The following SLC35F1 variants were observed in gnomAD, a reference collection of about 807,000 sequenced individuals.
SLC35F1 encodes solute carrier family 35 member F1.
A neutral mutation model predicts 48.7 loss-of-function variants in SLC35F1; 14 were observed. The observed-to-expected ratio is 0.29, with a 90% CI of 0.19 to 0.45. The LOEUF is 0.45. SLC35F1 is among the 20% of genes least tolerant of loss of function. The probability of loss-of-function intolerance (pLI) is 1.00; values close to 1 mark genes in which losing one functional copy is unlikely to be tolerated. For missense variants in SLC35F1, 404 were observed against 500.0 expected (o/e 0.81, Z 1.83); for synonymous variants, 190 against 202.2 (o/e 0.94, Z 0.51).
chr6:118,062,886 T>G (rs1251272831), intron 1 of SLC35F1, among the ~76,000 whole-genome samples: 1 of 152,180 alleles, frequency 6.6e-6, no homozygotes, highest in Non-Finnish European at 1.5e-5. Flanking sequence ...CCTTAATTTT[T>G]TTAAAAAAGA....
intron 1 of SLC35F1, among the ~76,000 whole-genome samples, chr6:117,974,133 A>G (rs1776677674): frequency 6.6e-6 from 1 of 152,194 alleles, no homozygotes; most frequent in Non-Finnish European, 1.5e-5. Flanking sequence ...TTCCTCATCC[A>G]TGAAATAGGA....
intron 1 of SLC35F1, among the ~76,000 whole-genome samples, chr6:118,154,239 A>C (rs189480771): frequency 5.5e-4 from 84 of 152,242 alleles, no homozygotes; most frequent in African/African-American, 2.0e-3. Context: ...AAACTCCTTA[A>C]CCACTCTAAG....
At chr6:118,213,234 T>C (rs1216506737) in intron 2 of SLC35F1, among the ~76,000 whole-genome samples, 1 of 152,210 alleles carries the variant, frequency 6.6e-6, no homozygotes, top group African/African-American at 2.4e-5. Flanking sequence ...CATATTATAA[T>C]TATTAGCCCT....
At chr6:118,038,011 A>G (rs1384721806) in intron 1 of SLC35F1, among the ~76,000 whole-genome samples, 2 of 152,174 alleles carry the variant, frequency 1.3e-5, no homozygotes, top group East Asian at 1.9e-4. Flanking sequence ...CATTCTGCAC[A>G]TGTATCCCAG....
intron 2 of SLC35F1, among the ~76,000 whole-genome samples, chr6:118,227,486 T>A (rs765381657): frequency 1.3e-5 from 2 of 152,232 alleles, no homozygotes; most frequent in Non-Finnish European, 2.9e-5. Context: ...TTGTGTTGTA[T>A]CTATTCTGTC....
At chr6:118,071,013 TA>T (rs1562280880) in intron 1 of SLC35F1, among the ~76,000 whole-genome samples, 22 of 72,420 alleles carry the variant, frequency 3.0e-4, no homozygotes, top group African/African-American at 1.1e-3. Flanking sequence ...TATATACACG[TA>T]GTATATATAT....
In SLC35F1 at chr6:118,148,644, T is replaced by C. The variant is rs551426917; in HGVS notation, c.174-5801T>C. Reference sequence around the variant, plus strand: ...TGCATAAACAAAGAAGATGAAAATGTGTATCATAGTCTCCTCTCCATTTCT... The same window carrying C: ...TGCATAAACAAAGAAGATGAAAATGCGTATCATAGTCTCCTCTCCATTTCT... On this transcript the variant is annotated intron_variant, in intron 1 of 7. Coordinates refer to ENST00000360388, the MANE Select transcript of SLC35F1 (RefSeq NM_001029858.4). Among the ~76,000 whole-genome samples the C allele has an allele frequency of 1.9e-4, 29 of 152,318 alleles. No homozygotes were observed. In the South Asian group the frequency reaches 3.9e-3, roughly 21 times the overall value.
intron 1 of SLC35F1, among the ~76,000 whole-genome samples, chr6:118,022,539 C>G (rs1195998605): frequency 1.3e-5 from 2 of 151,876 alleles, no homozygotes; most frequent in African/African-American, 2.4e-5. Flanking sequence ...GTCTGAGAGG[C>G]CTGCAGAGAG....
chr6:118,281,694 TGTGA>T (rs1775986851), intron 6 of SLC35F1, among the ~76,000 whole-genome samples: 2 of 152,336 alleles, frequency 1.3e-5, no homozygotes, highest in African/African-American at 4.8e-5. Flanking sequence ...GCTCTTGGGT[TGTGA>T]GTAACTCCCT....
At chr6:118,271,660 C>T (rs929759936) in intron 4 of SLC35F1, among the ~76,000 whole-genome samples, 3 of 152,274 alleles carry the variant, frequency 2.0e-5, no homozygotes, top group East Asian at 1.9e-4. Flanking sequence ...CCCACCACCA[C>T]GCATACACAA....
intron 1 of SLC35F1, among the ~76,000 whole-genome samples, chr6:118,136,752 A>C (rs1773802949): frequency 6.6e-6 from 1 of 152,236 alleles, no homozygotes; most frequent in Admixed American, 6.5e-5. Flanking sequence ...CAAACATGAA[A>C]AGGAGAGTTA....
At chr6:118,131,779 A>AATTAT (rs3079952) in intron 1 of SLC35F1, among the ~76,000 whole-genome samples, 119,451 of 150,036 alleles carry the variant, frequency 0.8, 47,734 homozygotes, top group South Asian at 0.89. Context: ...CCATTATACT[A>AATTAT]ATTATATTAT....
intron 1 of SLC35F1, among the ~76,000 whole-genome samples, chr6:118,127,292 T>A (rs1303319292): frequency 6.6e-6 from 1 of 152,176 alleles, no homozygotes; most frequent in East Asian, 1.9e-4. Context: ...TTAATTGATG[T>A]GTGTATATTG....
chr6:118,086,218 G>C (rs1772987837), intron 1 of SLC35F1, among the ~76,000 whole-genome samples: 1 of 152,116 alleles, frequency 6.6e-6, no homozygotes, highest in Admixed American at 6.6e-5. Flanking sequence ...ACTAGTCCCT[G>C]CAATTGCTGT....
chr6:118,155,929 G>A (rs78555468), intron 2 of SLC35F1, among the ~76,000 whole-genome samples: 2 of 152,228 alleles, frequency 1.3e-5, no homozygotes, highest in African/African-American at 2.4e-5. Flanking sequence ...GAATAATAAT[G>A]CTTAATTATA....
intron 3 of SLC35F1, among the ~76,000 whole-genome samples, chr6:118,244,251 A>G (rs1775477606): frequency 6.6e-6 from 1 of 152,244 alleles, no homozygotes; most frequent in African/African-American, 2.4e-5. Context: ...GTGAGCCCCA[A>G]AGTGGGGCTT....
intron 1 of SLC35F1, among the ~76,000 whole-genome samples, chr6:118,116,262 A>G (rs1206574282): frequency 6.6e-6 from 1 of 152,196 alleles, no homozygotes; most frequent in African/African-American, 2.4e-5. Flanking sequence ...CTACTCAACC[A>G]TAAGTTATCG....
intron 1 of SLC35F1, among the ~76,000 whole-genome samples, chr6:118,106,808 G>T (rs1464891286): frequency 2.0e-5 from 3 of 152,064 alleles, no homozygotes. Context: ...CACAATCACT[G>T]GCTCTCATTC....
chr6:117,998,914 A>G, intron 1 of SLC35F1: 1 of 746,402 alleles, frequency 1.3e-6, no homozygotes, highest in Non-Finnish European at 2.4e-6. Flanking sequence ...AAGGCAAGAA[A>G]TACCTAAAAT....
Sources: gnomAD v4.1 joint callset for allele counts (sites outside exome capture counted in the v4.1 genomes callset) on GRCh38, gnomAD v4.1.1 for gene constraint, MANE v1.5 for transcripts, NCBI Gene and HGNC (gene_info 2026-07-23, HGNC 2026-07-21) for gene names.